The following FGF12 variants were observed in gnomAD, a reference collection of about 807,000 sequenced individuals.
FGF12 encodes the protein fibroblast growth factor 12B.
Under a neutral mutation model 23.6 loss-of-function variants are expected in FGF12, and 14 were observed. That is an observed-to-expected ratio of 0.59 (90% CI 0.39 to 0.93). The LOEUF (loss-of-function observed/expected upper bound fraction) is 0.93. Ranked by LOEUF, FGF12 falls within the 40% of genes least tolerant of loss-of-function variation. The pLI is 0.00. For synonymous variants in FGF12, 62 were observed against 77.3 expected, an observed-to-expected ratio of 0.80 and a Z score of 1.04; for missense variants, 175 against 217.8, an observed-to-expected ratio of 0.80 and a Z score of 1.24.
At chr3:192,230,725 T>A (rs543914799) in intron 4 of FGF12, among the ~76,000 whole-genome samples, 14 of 152,284 alleles carry the variant, frequency 9.2e-5, no homozygotes, top group African/African-American at 3.1e-4. Flanking sequence ...TTCTTTTTTT[T>A]AATCTCTTTA....
chr3:192,300,480 T>C (rs1715279257), intron 4 of FGF12, among the ~76,000 whole-genome samples: 1 of 152,108 alleles, frequency 6.6e-6, no homozygotes, highest in Non-Finnish European at 1.5e-5. Flanking sequence ...ACCTTCCAAA[T>C]GCCTGGGGCC....
At chr3:192,420,965 G>GA (rs150737729) in intron 2 of FGF12, among the ~76,000 whole-genome samples, 2,527 of 150,698 alleles carry the variant, frequency 0.017, 64 homozygotes, top group African/African-American at 0.055. Context: ...CTACAAATTG[G>GA]AAAAAAAAAG....
chr3:192,310,987 C>T (rs970102597), intron 4 of FGF12, among the ~76,000 whole-genome samples: 4 of 152,042 alleles, frequency 2.6e-5, no homozygotes, highest in East Asian at 1.9e-4. Context: ...GAAATTCACA[C>T]CTCTGTATTA....
chr3:192,585,630 T>C (rs981310065), intron 2 of FGF12, among the ~76,000 whole-genome samples: 1 of 152,016 alleles, frequency 6.6e-6, no homozygotes, highest in African/African-American at 2.4e-5. Flanking sequence ...TCTCCCCACT[T>C]ACTGAGGAGG....
chr3:192,598,764 C>T (rs1713970758), intron 2 of FGF12, among the ~76,000 whole-genome samples: 2 of 152,128 alleles, frequency 1.3e-5, no homozygotes, highest in Admixed American at 1.3e-4. Context: ...TTAGATTAAG[C>T]AACCGTATTT....
At chr3:192,523,024 A>G (rs1368781511) in intron 2 of FGF12, among the ~76,000 whole-genome samples, 5 of 152,262 alleles carry the variant, frequency 3.3e-5, no homozygotes, top group African/African-American at 1.2e-4. Context: ...AAAATGTACC[A>G]TATGCATATT....
intron 5 of FGF12, among the ~76,000 whole-genome samples, chr3:192,164,603 T>C (rs1171806516): frequency 6.6e-6 from 1 of 151,730 alleles, no homozygotes; most frequent in Non-Finnish European, 1.5e-5. Flanking sequence ...GAAAAACAAA[T>C]AAGCAGGAAA....
chr3:192,166,917 A>G (rs1715192267), intron 5 of FGF12, among the ~76,000 whole-genome samples: 1 of 152,194 alleles, frequency 6.6e-6, no homozygotes, highest in Admixed American at 6.5e-5. Flanking sequence ...AGTGAATCAA[A>G]GTATTAGTGA....
chr3:192,495,992 T>A (rs1723944612), intron 2 of FGF12, among the ~76,000 whole-genome samples: 1 of 152,120 alleles, frequency 6.6e-6, no homozygotes, highest in Non-Finnish European at 1.5e-5. Context: ...CAGGAAACCA[T>A]TTGTTAAAAT....
At chr3:192,439,759 A>G (rs577840320) in intron 2 of FGF12, among the ~76,000 whole-genome samples, 98 of 152,044 alleles carry the variant, frequency 6.4e-4, no homozygotes, top group African/African-American at 2.2e-3. Context: ...GGTGAATCAC[A>G]AGGTCAGGAG....
intron 4 of FGF12, among the ~76,000 whole-genome samples, chr3:192,303,172 C>A (rs1715437095): frequency 1.3e-5 from 2 of 152,102 alleles, no homozygotes; most frequent in African/African-American, 4.8e-5. Context: ...TGTACTTTTT[C>A]TTTTGTAAGG....
rs1711664626 is a variant in FGF12, at chr3:192,554,350, C to T, written c.13+172831G>A. Among the ~76,000 whole-genome samples, 3 of 152,148 alleles carry T rather than the reference C, an allele frequency of 2.0e-5. No homozygotes were observed. The South Asian group carries it at 6.2e-4, about 32-fold the overall frequency. ...GTGCACTGATGTGTCCCAACATTTA[C>T]TAGAAGCCACTGAGAGCAAAAGAGA... On this transcript the variant is annotated intron_variant, in intron 2 of 5. Coordinates refer to ENST00000445105, the MANE Select transcript of FGF12 (RefSeq NM_004113.6).
chr3:192,384,548 G>A (rs1054449263), intron 2 of FGF12, among the ~76,000 whole-genome samples: 3 of 152,182 alleles, frequency 2.0e-5, no homozygotes, highest in African/African-American at 4.8e-5. Context: ...AGATGCAAAA[G>A]TGTTGAGGAG....
At chr3:192,683,018 C>T (rs1277785862) in intron 2 of FGF12, among the ~76,000 whole-genome samples, 22 of 152,202 alleles carry the variant, frequency 1.4e-4, no homozygotes, top group Non-Finnish European at 1.5e-5. Context: ...AGAAACCTCA[C>T]TCTATGTGTC....
intron 4 of FGF12, among the ~76,000 whole-genome samples, chr3:192,197,557 C>A (rs1042470343): frequency 4.6e-5 from 7 of 152,124 alleles, no homozygotes; most frequent in African/African-American, 1.7e-4. Context: ...AAATGTGTTG[C>A]TTTCACATTT....
intron 2 of FGF12, among the ~76,000 whole-genome samples, chr3:192,586,134 C>T (rs2108618006): frequency 6.6e-6 from 1 of 151,992 alleles, no homozygotes; most frequent in South Asian, 2.1e-4. Flanking sequence ...TGAGTCTTTG[C>T]TTCTTGTGCA....
intron 2 of FGF12, among the ~76,000 whole-genome samples, chr3:192,440,582 C>A (rs1376797263): frequency 6.6e-6 from 1 of 152,204 alleles, no homozygotes; most frequent in Non-Finnish European, 1.5e-5. Context: ...TTGAGCTTCA[C>A]GATTTTCCTT....
chr3:192,544,327 G>A (rs9291029), intron 2 of FGF12, among the ~76,000 whole-genome samples: 33,023 of 152,120 alleles, frequency 0.22, 3,880 homozygotes, highest in Middle Eastern at 0.39. Flanking sequence ...GCAATATGAA[G>A]TTAAAACTGG....
intron 5 of FGF12, among the ~76,000 whole-genome samples, chr3:192,161,499 C>T (rs1386296635): frequency 1.1e-5 from 1 of 88,348 alleles, no homozygotes; most frequent in Non-Finnish European, 2.3e-5. Flanking sequence ...AATGACAACG[C>T]CTATTTACAC....
Sources: allele counts gnomAD v4.1 joint callset (sites outside exome capture counted in the v4.1 genomes callset), GRCh38; gene constraint gnomAD v4.1.1; transcripts MANE v1.5; gene names NCBI Gene and HGNC (gene_info 2026-07-23, HGNC 2026-07-21).